PSMA1: variants seen among roughly 807,000 people sequenced by gnomAD.
The protein encoded by PSMA1 is proteasome subunit alpha type-1.
In PSMA1, 3 loss-of-function variants were observed where a neutral mutation model predicts 38.4. That is an observed-to-expected ratio of 0.08 (90% CI 0.04 to 0.20). PSMA1 has a LOEUF of 0.20. Among genes scored for constraint, PSMA1 ranks in the 10% least tolerant of loss-of-function variants. The pLI is 1.00. For synonymous variants in PSMA1, 101 were observed against 107.1 expected (o/e 0.94, Z 0.35); for missense variants, 227 against 325.3 (o/e 0.70, Z 2.32).
At chr11:14,588,070 G>A (rs1416514493) in intron 2 of PSMA1, among the ~76,000 whole-genome samples, 1 of 152,204 alleles carries the variant, frequency 6.6e-6, no homozygotes, top group Non-Finnish European at 1.5e-5. Flanking sequence ...AGTAAGAGAT[G>A]TGACAACAAC....
Position 14,512,165 on chromosome 11 carries a change from G to A in PSMA1, c.545-1214C>T, listed in dbSNP as rs561724325. ...CCAGTTGGGCGGATCGCCTGAGGTC[G>A]GGAGTTTGAGACCAGCCTGACCAAC... is the stretch of plus-strand genomic sequence containing the variant. On this transcript the variant is annotated intron_variant, in intron 7 of 9. Transcript: ENST00000396394. 7.4e-4 allele frequency among the ~76,000 whole-genome samples: 112 copies of A among 152,208 alleles called. 1 individual carries two copies. The South Asian group carries it at 8.5e-3, about 12-fold the overall frequency.
intron 2 of PSMA1, among the ~76,000 whole-genome samples, chr11:14,559,306 A>C (rs757122314): frequency 6.6e-6 from 1 of 152,218 alleles, no homozygotes; most frequent in East Asian, 1.9e-4. Context: ...TAGTGGGTTA[A>C]GGAAGGAACT....
intron 2 of PSMA1, among the ~76,000 whole-genome samples, chr11:14,538,463 C>T (rs1428531638): frequency 6.6e-6 from 1 of 152,212 alleles, no homozygotes; most frequent in African/African-American, 2.4e-5. Flanking sequence ...CCAAACCCTT[C>T]CTGCTGCCTT....
chr11:14,629,009 G>C (rs1201203930), intron 1 of PSMA1, among the ~76,000 whole-genome samples: 1 of 151,116 alleles, frequency 6.6e-6, no homozygotes, highest in African/African-American at 2.4e-5. Context: ...CTTGTTGATG[G>C]GGTTGTTTGT....
chr11:14,605,375 T>C (rs1290429173), intron 2 of PSMA1, among the ~76,000 whole-genome samples: 1 of 152,128 alleles, frequency 6.6e-6, no homozygotes, highest in Non-Finnish European at 1.5e-5. Context: ...TCATGTCTTT[T>C]TTGTCCATTA....
At chr11:14,616,113 CA>C (rs1171750924) in intron 1 of PSMA1, among the ~76,000 whole-genome samples, 1 of 151,562 alleles carries the variant, frequency 6.6e-6, no homozygotes, top group Non-Finnish European at 1.5e-5. Context: ...TACAATCTTC[CA>C]AATTTCATCC....
At chr11:14,613,406 C>T (rs899460712) in intron 1 of PSMA1, among the ~76,000 whole-genome samples, 1 of 151,128 alleles carries the variant, frequency 6.6e-6, no homozygotes, top group African/African-American at 2.4e-5. Context: ...TGTGCACCAA[C>T]ATGCCCAGCT....
chr11:14,529,429 A>C (rs1271891518), intron 2 of PSMA1, among the ~76,000 whole-genome samples: 1 of 152,148 alleles, frequency 6.6e-6, no homozygotes, highest in Non-Finnish European at 1.5e-5. Flanking sequence ...TTCAAGTAAA[A>C]AATGTTTGAC....
intron 1 of PSMA1, among the ~76,000 whole-genome samples, chr11:14,641,798 G>A (rs1027767068): frequency 6.6e-6 from 1 of 152,166 alleles, no homozygotes; most frequent in East Asian, 1.9e-4. Flanking sequence ...CTTGGCTCTT[G>A]CTCTTATTAT....
In PSMA1 at chr11:14,630,944, T is replaced by G. The variant is rs929167664; in HGVS notation, c.-166+12511A>C. Among the ~76,000 whole-genome samples the G allele has an allele frequency of 1.5e-4, 23 of 152,348 alleles. 1 individual carries two copies. The highest frequency in any genetic ancestry group is 3.4e-3 in the Middle Eastern group (1 of 294). On this transcript the variant is annotated intron_variant, in intron 1 of 10. Coordinates refer to the PSMA1 transcript ENST00000418988. ...TCCATTTCTTCTAGATTTTCTAGTT[T>G]ATTTGCGTAGAGGTGTTTGTAGTAT...
intron 2 of PSMA1, among the ~76,000 whole-genome samples, chr11:14,583,884 G>T (rs1589999436): frequency 6.6e-6 from 1 of 152,234 alleles, no homozygotes; most frequent in East Asian, 1.9e-4. Flanking sequence ...GAAAACGGCA[G>T]CCTCTTTTCA....
chr11:14,548,058 C>T (rs1851846256), intron 2 of PSMA1, among the ~76,000 whole-genome samples: 1 of 151,874 alleles, frequency 6.6e-6, no homozygotes, highest in Non-Finnish European at 1.5e-5. Context: ...GTTGTATATA[C>T]AGATAATAAT....
At chr11:14,513,959 A>T (rs1367715852) in intron 5 of PSMA1, 72 bp from the exon 6 acceptor site, 1 of 1,467,168 alleles carries the variant, frequency 6.8e-7, no homozygotes, top group Non-Finnish European at 9.0e-7. Flanking sequence ...ATACATTATT[A>T]ACAAAGGTCT....
intron 2 of PSMA1, among the ~76,000 whole-genome samples, chr11:14,561,871 C>A (rs1375179932): frequency 6.7e-6 from 1 of 148,218 alleles, no homozygotes; most frequent in Non-Finnish European, 1.5e-5. Context: ...AAACTATAAA[C>A]TAAACGAAAT....
chr11:14,641,261 T>G (rs953718822), intron 1 of PSMA1, among the ~76,000 whole-genome samples: 1 of 151,954 alleles, frequency 6.6e-6, no homozygotes, highest in Non-Finnish European at 1.5e-5. Context: ...AAGTCAAAGG[T>G]ATACTGTGAC....
At chr11:14,598,514 C>T (rs1852532908) in intron 2 of PSMA1, among the ~76,000 whole-genome samples, 1 of 151,466 alleles carries the variant, frequency 6.6e-6, no homozygotes, top group African/African-American at 2.4e-5. Flanking sequence ...CCTTCTTTGT[C>T]TCTTTTGATC....
At chr11:14,507,903 G>A in intron 8 of PSMA1, 137 bp from the exon 9 acceptor site, 6 of 593,114 alleles carry the variant, frequency 1.0e-5, no homozygotes, top group Non-Finnish European at 8.7e-6. Context: ...CTTATGTGTA[G>A]GAGAAAAAAG....
At chr11:14,542,919 G>C (rs1300871115) in intron 2 of PSMA1, among the ~76,000 whole-genome samples, 1 of 152,130 alleles carries the variant, frequency 6.6e-6, no homozygotes, top group African/African-American at 2.4e-5. Flanking sequence ...GCCGCGGCAA[G>C]ATCTCGGCTC....
At chr11:14,582,221 T>C (rs1232966387) in intron 2 of PSMA1, among the ~76,000 whole-genome samples, 1 of 152,106 alleles carries the variant, frequency 6.6e-6, no homozygotes, top group Non-Finnish European at 1.5e-5. Flanking sequence ...AATGAGAAAA[T>C]AAATCCCAAC....
Sources: gnomAD v4.1 joint callset for allele counts (sites outside exome capture counted in the v4.1 genomes callset) on GRCh38, gnomAD v4.1.1 for gene constraint, MANE v1.5 for transcripts, NCBI Gene and HGNC (gene_info 2026-07-23, HGNC 2026-07-21) for gene names.